The following NOL4 variants were observed in gnomAD, a reference collection of about 807,000 sequenced individuals.
NOL4 encodes nucleolar protein 4.
In NOL4, 17 loss-of-function variants were observed where a neutral mutation model predicts 75.9. The ratio of observed to expected loss-of-function variants is 0.22; its 90% CI spans 0.15 to 0.34. The LOEUF (loss-of-function observed/expected upper bound fraction) is 0.34. Among genes scored for constraint, NOL4 ranks in the 10% least tolerant of loss-of-function variants. The pLI, the probability that NOL4 is intolerant of heterozygous loss-of-function variation, is 1.00. For missense variants in NOL4, 614 were observed against 793.5 expected, an observed-to-expected ratio of 0.77 and a Z score of 2.72; for synonymous variants, 292 against 289.9, an observed-to-expected ratio of 1.01 and a Z score of -0.07.
At chr18:34,201,407 A>G (rs369241981) in intron 1 of NOL4, among the ~76,000 whole-genome samples, 2 of 151,872 alleles carry the variant, frequency 1.3e-5, no homozygotes, top group African/African-American at 4.8e-5. Flanking sequence ...AGGCAGTTGC[A>G]TGCCTTTAGA....
At chr18:34,144,123 A>G (rs191552721) in intron 1 of NOL4, among the ~76,000 whole-genome samples, 119 of 152,282 alleles carry the variant, frequency 7.8e-4, no homozygotes, top group African/African-American at 2.4e-3. Context: ...AGTATAGACA[A>G]TACTACACTA....
intron 9 of NOL4, among the ~76,000 whole-genome samples, chr18:33,920,520 A>G (rs2066974211): frequency 6.6e-6 from 1 of 152,206 alleles, no homozygotes; most frequent in African/African-American, 2.4e-5. Flanking sequence ...AGCTTATGTT[A>G]TGGATTGAAT....
chr18:34,077,053 C>T (rs1421029454), intron 5 of NOL4, among the ~76,000 whole-genome samples: 1 of 152,160 alleles, frequency 6.6e-6, no homozygotes, highest in Non-Finnish European at 1.5e-5. Flanking sequence ...CACCTATAAT[C>T]CCAGCACTTT....
intron 9 of NOL4, among the ~76,000 whole-genome samples, chr18:33,884,759 A>AT (rs769366393): frequency 6.6e-6 from 1 of 152,230 alleles, no homozygotes; most frequent in East Asian, 1.9e-4. Flanking sequence ...TTTCAAATAC[A>AT]TTTTTTGTGG....
chr18:33,903,188 G>A (rs1425190018), intron 9 of NOL4, among the ~76,000 whole-genome samples: 1 of 152,114 alleles, frequency 6.6e-6, no homozygotes, highest in Admixed American at 6.6e-5. Context: ...CAATCATGGT[G>A]AAAGGCAAAT....
intron 6 of NOL4, among the ~76,000 whole-genome samples, chr18:34,002,220 T>C (rs2073763175): frequency 6.6e-6 from 1 of 152,070 alleles, no homozygotes. Flanking sequence ...TAAGGACTTT[T>C]GAAATGTGGC....
At chr18:33,854,377 T>C (rs760567177) in intron 10 of NOL4, among the ~76,000 whole-genome samples, 5 of 152,108 alleles carry the variant, frequency 3.3e-5, no homozygotes, top group Admixed American at 6.6e-5. Context: ...GTATTTCCAC[T>C]TCTGTAGTGG....
intron 9 of NOL4, among the ~76,000 whole-genome samples, chr18:33,892,756 C>G (rs2065169338): frequency 1.3e-5 from 2 of 152,050 alleles, no homozygotes; most frequent in African/African-American, 2.4e-5. Flanking sequence ...CTCCCAGGCT[C>G]AAGTGATCCT....
At chr18:34,010,894 A>G (rs1400657914) in intron 6 of NOL4, among the ~76,000 whole-genome samples, 1 of 151,740 alleles carries the variant, frequency 6.6e-6, no homozygotes, top group Non-Finnish European at 1.5e-5. Context: ...TATTGTTTAA[A>G]TTGTATTATC....
intron 1 of NOL4, among the ~76,000 whole-genome samples, chr18:34,209,850 G>T (rs1313082800): frequency 6.6e-6 from 1 of 152,098 alleles, no homozygotes; most frequent in Non-Finnish European, 1.5e-5. Flanking sequence ...AGTATTTAAG[G>T]GTTCTCAGGC....
Position 34,079,241 on chromosome 18 carries a change from C to T in NOL4, c.772+14224G>A, listed in dbSNP as rs145844107. Among the ~76,000 whole-genome samples, 258 of 152,170 alleles carry T rather than the reference C, an allele frequency of 1.7e-3. 1 individual carries two copies. Among genetic ancestry groups the T allele is most frequent in the African/African-American group, 5.7e-3 (238 of 41,512 alleles). ...TGTATTCTCCCCTAATTATCCCCAA[C>T]GAAGAGTAACTTTCGCATCATATGT... On this transcript the variant is annotated intron_variant, in intron 5 of 10. Coordinates refer to ENST00000261592, the MANE Select transcript of NOL4 (RefSeq NM_003787.5).
chr18:34,221,620 A>AC (rs2037311575), intron 1 of NOL4: 1 of 152,594 alleles, frequency 6.6e-6, no homozygotes, highest in Non-Finnish European at 1.4e-5. Context: ...AAAAAAAAAA[A>AC]CCACCACAGA....
At chr18:34,083,087 GCT>G (rs5823936) in intron 5 of NOL4, among the ~76,000 whole-genome samples, 4 of 151,442 alleles carry the variant, frequency 2.6e-5, no homozygotes, top group Middle Eastern at 3.4e-3. Context: ...GCTAAATTTT[GCT>G]CTCTCTCTCT....
intron 1 of NOL4, among the ~76,000 whole-genome samples, chr18:34,204,649 T>C (rs2035993959): frequency 6.6e-6 from 1 of 152,054 alleles, no homozygotes; most frequent in Non-Finnish European, 1.5e-5. Flanking sequence ...CCTTCAAGCA[T>C]ATTATTTTTC....
intron 6 of NOL4, among the ~76,000 whole-genome samples, chr18:34,011,836 A>G (rs1183353728): frequency 1.3e-5 from 2 of 151,882 alleles, no homozygotes; most frequent in Non-Finnish European, 2.9e-5. Context: ...TTATGAATAC[A>G]TGGCATCAGA....
At position 34,090,104 on chromosome 18, in the gene NOL4, A is replaced by G. The variant is rs143032012; in HGVS notation, c.772+3361T>C. Among the ~76,000 whole-genome samples, 875 of 152,286 alleles carry G rather than the reference A, an allele frequency of 5.7e-3. 8 individuals are homozygous for G. The highest frequency in any genetic ancestry group is 0.02 in the African/African-American group (826 of 41,556). On this transcript the variant is annotated intron_variant, in intron 5 of 10. Coordinates refer to ENST00000261592, the MANE Select transcript of NOL4 (RefSeq NM_003787.5). The stretch of plus-strand genomic sequence containing the variant: ...TATGGGTGTGTATTTGTAAACAGGA[A>G]AAAAAGAAATTTTACAGAAGGTTGT...
intron 10 of NOL4, among the ~76,000 whole-genome samples, chr18:33,882,207 G>C (rs1197301221): frequency 6.6e-6 from 1 of 152,126 alleles, no homozygotes; most frequent in Non-Finnish European, 1.5e-5. Flanking sequence ...TGACAAATGG[G>C]ATCTAATTAA....
intron 1 of NOL4, among the ~76,000 whole-genome samples, chr18:34,176,436 T>G (rs2033551385): frequency 6.6e-6 from 1 of 152,082 alleles, no homozygotes; most frequent in African/African-American, 2.4e-5. Context: ...GAACATTAAT[T>G]TACACATCCA....
intron 9 of NOL4, among the ~76,000 whole-genome samples, chr18:33,917,436 T>C (rs528660955): frequency 5.6e-4 from 86 of 152,266 alleles, no homozygotes; most frequent in African/African-American, 2.0e-3. Flanking sequence ...GCTATACAGA[T>C]AGGGTATATA....
Sources: allele counts gnomAD v4.1 joint callset (sites outside exome capture counted in the v4.1 genomes callset), GRCh38; gene constraint gnomAD v4.1.1; transcripts MANE v1.5; gene names NCBI Gene and HGNC (gene_info 2026-07-23, HGNC 2026-07-21).